Variants in EPB41 observed in about 807,000 individuals in gnomAD.
The protein encoded by EPB41 is protein 4.1.
A neutral mutation model predicts 108.0 loss-of-function variants in EPB41; 65 were observed. The observed-to-expected ratio is 0.60, with a 90% CI of 0.49 to 0.74. EPB41 has a LOEUF of 0.74. Ranked by LOEUF, EPB41 falls within the 30% of genes least tolerant of loss-of-function variation. EPB41 has a pLI of 0.00. For missense variants in EPB41, 875 were observed against 1,037.0 expected, an observed-to-expected ratio of 0.84 and a Z score of 2.15; for synonymous variants, 336 against 358.9, an observed-to-expected ratio of 0.94 and a Z score of 0.72.
chr1:28,892,802 T>C (rs2090268986), intron 1 of EPB41, among the ~76,000 whole-genome samples: 1 of 142,646 alleles, frequency 7.0e-6, no homozygotes, highest in Admixed American at 6.9e-5. Context: ...AGGTTCTTTT[T>C]TTTTTTTTTT....
chr1:29,069,412 T>C (rs559347464), intron 16 of EPB41: 1 of 1,227,928 alleles, frequency 8.1e-7, no homozygotes, highest in South Asian at 4.3e-5. Context: ...AGCATTTGCT[T>C]AAAGTAATGT....
At chr1:28,889,299 G>A (rs1395979642) in intron 1 of EPB41, among the ~76,000 whole-genome samples, 1 of 152,238 alleles carries the variant, frequency 6.6e-6, no homozygotes. Context: ...TCCGCTGTAT[G>A]TATAGGAGAG....
intron 10 of EPB41, 23 bp from the exon 11 acceptor site, chr1:29,039,231 G>A (rs1335498544): frequency 6.2e-7 from 1 of 1,606,806 alleles, no homozygotes; most frequent in African/African-American, 1.3e-5. Context: ...ATAATAATAT[G>A]ACTATTACGA....
At chr1:29,034,395 A>G (rs951106244) in intron 9 of EPB41, among the ~76,000 whole-genome samples, 2 of 152,230 alleles carry the variant, frequency 1.3e-5, no homozygotes, top group Non-Finnish European at 2.9e-5. Flanking sequence ...GATTTTGAGA[A>G]AAAGTATTGT....
intron 1 of EPB41, chr1:28,982,161 T>C (rs926163978): frequency 3.1e-6 from 1 of 318,758 alleles, no homozygotes; most frequent in Non-Finnish European, 6.2e-6. Flanking sequence ...TTTTTGTCCT[T>C]GCGATAGTTT....
At chr1:29,108,644 A>G (rs917343669) in intron 17 of EPB41, among the ~76,000 whole-genome samples, 4 of 146,038 alleles carry the variant, frequency 2.7e-5, no homozygotes, top group African/African-American at 1.0e-4. Context: ...TGCAACTTCC[A>G]CCTCCCAGGT....
At chr1:29,096,401 G>T (rs1388041269) in intron 16 of EPB41, 1 of 985,792 alleles carries the variant, frequency 1.0e-6, no homozygotes, top group Admixed American at 6.1e-5. Context: ...AGGCCCAACT[G>T]GGGGATGTAT....
intron 16 of EPB41, among the ~76,000 whole-genome samples, chr1:29,089,309 T>G (rs1026746881): frequency 1.4e-4 from 22 of 152,192 alleles, no homozygotes; most frequent in Non-Finnish European, 2.6e-4. Context: ...TCTAAACATT[T>G]TAGTTACAGA....
intron 2 of EPB41, among the ~76,000 whole-genome samples, chr1:28,989,755 T>C (rs1038270531): frequency 1.3e-5 from 2 of 152,170 alleles, no homozygotes; most frequent in African/African-American, 4.8e-5. Context: ...TTTATCAGTT[T>C]CCTCCTCTGT....
intron 1 of EPB41, among the ~76,000 whole-genome samples, chr1:28,921,648 T>C (rs1486127313): frequency 6.6e-6 from 1 of 152,110 alleles, no homozygotes; most frequent in Non-Finnish European, 1.5e-5. Flanking sequence ...TGTTGCCAGC[T>C]TACTACCTGC....
chr1:29,017,143 G>A (rs996468174), intron 6 of EPB41, among the ~76,000 whole-genome samples: 1 of 151,988 alleles, frequency 6.6e-6, no homozygotes, highest in Non-Finnish European at 1.5e-5. Context: ...TTTCCGTCTA[G>A]GCTTATGTAT....
intron 19 of EPB41, among the ~76,000 whole-genome samples, chr1:29,114,832 A>G (rs1670366970): frequency 2.0e-5 from 3 of 152,124 alleles, no homozygotes; most frequent in South Asian, 4.1e-4. Flanking sequence ...TTATTAATAA[A>G]TTATAACTTA....
chr1:29,087,233 G>A (rs1480367335), intron 16 of EPB41, among the ~76,000 whole-genome samples: 1 of 151,962 alleles, frequency 6.6e-6, no homozygotes, highest in Admixed American at 6.6e-5. Context: ...GAGCCACCGT[G>A]CCCAGCCAAC....
intron 7 of EPB41, among the ~76,000 whole-genome samples, chr1:29,028,632 G>C (rs1269566336): frequency 1.3e-5 from 2 of 152,178 alleles, no homozygotes; most frequent in Non-Finnish European, 2.9e-5. Context: ...TAAGTCTGCT[G>C]TCTCAACTAA....
chr1:29,015,579 A>G (rs1194878654), intron 5 of EPB41, 113 bp from the exon 6 acceptor site: 3 of 311,650 alleles, frequency 9.6e-6, no homozygotes, highest in Non-Finnish European at 1.6e-5. Flanking sequence ...CGTCTCAAAG[A>G]AAAAAAAAAA....
intron 12 of EPB41, 44 bp downstream of exon 12, chr1:29,053,356 T>C: frequency 6.2e-7 from 1 of 1,609,388 alleles, no homozygotes; most frequent in East Asian, 2.2e-5. Flanking sequence ...CTTTCTGATT[T>C]AGAGGCCTTA....
intron 12 of EPB41, among the ~76,000 whole-genome samples, chr1:29,057,331 G>T (rs547754276): frequency 8.0e-6 from 1 of 125,618 alleles, no homozygotes; most frequent in Non-Finnish European, 1.6e-5. Context: ...AGCCGAGATC[G>T]CACCTGCACT....
At chr1:29,009,865 C>A (rs1445973124) in intron 4 of EPB41, among the ~76,000 whole-genome samples, 1 of 152,002 alleles carries the variant, frequency 6.6e-6, no homozygotes, top group Non-Finnish European at 1.5e-5. Context: ...GAAAACTAGT[C>A]CCCACTCTTA....
intron 1 of EPB41, among the ~76,000 whole-genome samples, chr1:28,940,241 G>T (rs1005103976): frequency 1.3e-5 from 2 of 152,214 alleles, no homozygotes; most frequent in African/African-American, 4.8e-5. Flanking sequence ...ATAATTATTA[G>T]AAGTGCCTTG....
Sources: gnomAD v4.1 joint callset for allele counts (sites outside exome capture counted in the v4.1 genomes callset) on GRCh38, gnomAD v4.1.1 for gene constraint, MANE v1.5 for transcripts, NCBI Gene and HGNC (gene_info 2026-07-23, HGNC 2026-07-21) for gene names.